The following ZFHX3 variants were observed in gnomAD, a reference collection of about 807,000 sequenced individuals.
ZFHX3 encodes the protein zinc finger homeobox protein 3.
ZFHX3 carries 42 observed loss-of-function variants against 279.1 expected under a neutral mutation model. The ratio of observed to expected loss-of-function variants is 0.15; its 90% CI spans 0.12 to 0.19. The LOEUF (loss-of-function observed/expected upper bound fraction) is 0.19. Ranked by LOEUF, ZFHX3 falls within the 10% of genes least tolerant of loss-of-function variation. The pLI, the probability that ZFHX3 is intolerant of heterozygous loss-of-function variation, is 1.00. For synonymous variants in ZFHX3, 2,293 were observed against 1,957.8 expected (o/e 1.17, Z -4.52); for missense variants, 4,981 against 4,754.0 (o/e 1.05, Z -1.40).
chr16:72,977,578 T>A (rs780222388), intron 1 of ZFHX3, among the ~76,000 whole-genome samples: 5 of 105,414 alleles, frequency 4.7e-5, no homozygotes, highest in African/African-American at 1.0e-4. Flanking sequence ...TAGTTCCCTG[T>A]CGTGGGTCAG....
intron 2 of ZFHX3, among the ~76,000 whole-genome samples, chr16:73,632,643 G>A (rs1199340331): frequency 5.5e-5 from 8 of 146,642 alleles, no homozygotes; most frequent in South Asian, 2.2e-4. Flanking sequence ...CTGAGATCGC[G>A]CCACTGCACT....
intron 1 of ZFHX3, among the ~76,000 whole-genome samples, chr16:73,816,629 T>TTG (rs1326076678): frequency 6.6e-6 from 1 of 151,422 alleles, no homozygotes; most frequent in Non-Finnish European, 1.5e-5. Flanking sequence ...TTAAAAGAGA[T>TTG]GGGGGGGGAG....
intron 2 of ZFHX3, among the ~76,000 whole-genome samples, chr16:73,670,235 G>T (rs2052890013): frequency 6.6e-6 from 1 of 152,230 alleles, no homozygotes; most frequent in South Asian, 2.1e-4. Context: ...TTTGCATCCA[G>T]CCCAAGTTTT....
chr16:73,214,401 T>TA (rs1210008077), intron 5 of ZFHX3, among the ~76,000 whole-genome samples: 1 of 152,104 alleles, frequency 6.6e-6, no homozygotes, highest in Non-Finnish European at 1.5e-5. Context: ...TTCGGTGACT[T>TA]ACGGTGTGGC....
chr16:73,533,343 C>T (rs1482912643), intron 2 of ZFHX3, among the ~76,000 whole-genome samples: 3 of 150,806 alleles, frequency 2.0e-5, no homozygotes, highest in East Asian at 1.9e-4. Flanking sequence ...CTTCTAGTTA[C>T]CATGCATAAA....
At chr16:73,345,986 G>T (rs2016116761) in intron 3 of ZFHX3, among the ~76,000 whole-genome samples, 1 of 152,132 alleles carries the variant, frequency 6.6e-6, no homozygotes, top group Non-Finnish European at 1.5e-5. Flanking sequence ...TACCTTCTGG[G>T]CTATGTATTA....
chr16:73,295,082 G>A (rs1216822259), intron 4 of ZFHX3, among the ~76,000 whole-genome samples: 4 of 152,126 alleles, frequency 2.6e-5, no homozygotes, highest in African/African-American at 9.6e-5. Context: ...AGGCATGGTG[G>A]CAGGTGCCTG....
At chr16:73,581,793 C>T (rs1486937096) in intron 2 of ZFHX3, among the ~76,000 whole-genome samples, 1 of 150,766 alleles carries the variant, frequency 6.6e-6, no homozygotes, top group East Asian at 2.0e-4. Context: ...GTCTCAGCCT[C>T]CCAAGTAGCT....
intron 5 of ZFHX3, among the ~76,000 whole-genome samples, chr16:73,151,403 T>G (rs1331547013): frequency 6.6e-6 from 1 of 152,004 alleles, no homozygotes; most frequent in Non-Finnish European, 1.5e-5. Context: ...ATGTTGCATG[T>G]AGAGAACAGC....
At chr16:73,217,190 C>G (rs573143683) in intron 5 of ZFHX3, among the ~76,000 whole-genome samples, 69 of 152,266 alleles carry the variant, frequency 4.5e-4, no homozygotes, top group African/African-American at 1.6e-3. Flanking sequence ...TCGATGTTAT[C>G]GATCCTCAAG....
intron 1 of ZFHX3, among the ~76,000 whole-genome samples, chr16:73,793,815 G>C (rs775739619): frequency 1.3e-5 from 2 of 152,142 alleles, no homozygotes; most frequent in Non-Finnish European, 2.9e-5. Flanking sequence ...CAGCAGAGAC[G>C]CTGGCATGTG....
chr16:73,464,699 G>T (rs768336934), intron 2 of ZFHX3, among the ~76,000 whole-genome samples: 15 of 152,224 alleles, frequency 9.9e-5, no homozygotes, highest in Non-Finnish European at 1.9e-4. Context: ...TTGATCTGAA[G>T]AATTATTATT....
chr16:73,732,966 G>A lies in ZFHX3; in HGVS notation c.-1607-52726C>T, dbSNP rs534006171. On this transcript the variant is annotated intron_variant, in intron 1 of 17. Coordinates refer to the ZFHX3 transcript ENST00000641206. ...TATAGAAAGAAGTCTGTATACTCTT[G>A]CTGTTGGGTTTTGTCCTTTAGTGTA... Among the ~76,000 whole-genome samples the A allele has an allele frequency of 8.5e-5, 13 of 152,262 alleles. No homozygotes were observed. In the South Asian group the frequency reaches 1.9e-3, roughly 22 times the overall value.
chr16:73,241,280 G>A (rs570412992), intron 5 of ZFHX3, among the ~76,000 whole-genome samples: 6 of 151,996 alleles, frequency 3.9e-5, no homozygotes, highest in African/African-American at 1.4e-4. Flanking sequence ...CATATGGAAA[G>A]CAGCTGCTTA....
chr16:72,858,183 G>C (rs936234751), intron 4 of ZFHX3, among the ~76,000 whole-genome samples: 2 of 152,222 alleles, frequency 1.3e-5, no homozygotes, highest in East Asian at 1.9e-4. Context: ...ACAAGCAGCC[G>C]TGGAAGAAAT....
intron 3 of ZFHX3, among the ~76,000 whole-genome samples, chr16:73,419,295 T>A (rs2017667721): frequency 6.6e-6 from 1 of 152,224 alleles, no homozygotes; most frequent in South Asian, 2.1e-4. Context: ...TTTATTGATA[T>A]GGACATGAGG....
chr16:73,429,382 G>T (rs1044046228), intron 3 of ZFHX3, among the ~76,000 whole-genome samples: 1 of 152,154 alleles, frequency 6.6e-6, no homozygotes. Context: ...GCCCAGGCTG[G>T]AGTGTAGTGG....
At position 72,793,186 on chromosome 16, in the gene ZFHX3, T is replaced by G; in HGVS notation, c.9427+69A>C. On this transcript the variant is annotated intron_variant, in intron 9 of 9. Transcript: ENST00000268489. The surrounding 1 kb of genome is among the most constrained non-coding windows in gnomAD (Gnocchi z 4.3). Reference sequence around the variant, plus strand: ...CCCAGCACTCAGAGGGTTTGGGTGGTATCCACATAACAGAATGCTGACTGG... The same window carrying G: ...CCCAGCACTCAGAGGGTTTGGGTGGGATCCACATAACAGAATGCTGACTGG... 2.0e-6 allele frequency: 3 copies of G among 1,527,870 alleles called. No homozygotes were observed. Among genetic ancestry groups the G allele is most frequent in the Non-Finnish European group, 2.6e-6 (3 of 1,140,058 alleles). The allele number at this position is 1,527,870 out of a possible 1,614,324, so 94.6% of individuals were successfully genotyped here.
intron 2 of ZFHX3, among the ~76,000 whole-genome samples, chr16:73,484,611 G>A (rs528811489): frequency 1.3e-5 from 2 of 152,264 alleles, no homozygotes; most frequent in South Asian, 4.2e-4. Context: ...GTATCACCAC[G>A]GTAGCAGGGA....
Sources: gnomAD v4.1 joint callset for allele counts (sites outside exome capture counted in the v4.1 genomes callset) on GRCh38, gnomAD v4.1.1 for gene constraint, Gnocchi (gnomAD v3.1) non-coding constraint, MANE v1.5 for transcripts, NCBI Gene and HGNC (gene_info 2026-07-23, HGNC 2026-07-21) for gene names.